Variants in GMDS observed in about 807,000 individuals in gnomAD.
GMDS encodes the protein GDP-mannose 4,6-dehydratase.
Under a neutral mutation model 49.9 loss-of-function variants are expected in GMDS, and 20 were observed. The ratio of observed to expected loss-of-function variants is 0.40; its 90% CI spans 0.28 to 0.58. GMDS has a LOEUF of 0.58. GMDS is among the 20% of genes least tolerant of loss of function. GMDS has a pLI of 0.42. For missense variants in GMDS, 362 were observed against 481.4 expected, an observed-to-expected ratio of 0.75 and a Z score of 2.32; for synonymous variants, 177 against 178.6, an observed-to-expected ratio of 0.99 and a Z score of 0.07.
chr6:2,141,386 C>T (rs560356565), intron 1 of GMDS, among the ~76,000 whole-genome samples: 9 of 152,294 alleles, frequency 5.9e-5, no homozygotes, highest in South Asian at 2.1e-4. Context: ...GTTTATCATA[C>T]GCACATGTAG....
At chr6:2,147,126 T>C (rs11752769) in intron 1 of GMDS, among the ~76,000 whole-genome samples, 131,297 of 152,230 alleles carry the variant, frequency 0.86, 57,125 homozygotes, top group East Asian at 1. Flanking sequence ...CTCAAGATGT[T>C]TATTTTCTTT....
At position 2,196,663 on chromosome 6, in the gene GMDS, T is replaced by A. The variant is rs1779287463; in HGVS notation, c.102+48658A>T. The stretch of plus-strand genomic sequence containing the variant: ...GACCACATTAACTTTTAAAGGTTGC[T>A]GTCTTAACTGTCAAGCAAGGTAGTA... On this transcript the variant is annotated intron_variant, in intron 1 of 10. Transcript: ENST00000380815. Among the ~76,000 whole-genome samples the A allele has an allele frequency of 3.3e-5, 5 of 152,208 alleles. No homozygotes were observed. The South Asian group carries it at 1.0e-3, about 32-fold the overall frequency.
At chr6:1,675,239 C>G (rs1312736300) in intron 9 of GMDS, among the ~76,000 whole-genome samples, 1 of 151,648 alleles carries the variant, frequency 6.6e-6, no homozygotes, top group Non-Finnish European at 1.5e-5. Context: ...TGCACTCGTT[C>G]GTTGTTAGAA....
chr6:2,064,782 G>C (rs1025041973), intron 4 of GMDS, among the ~76,000 whole-genome samples: 5 of 152,152 alleles, frequency 3.3e-5, no homozygotes, highest in Non-Finnish European at 2.9e-5. Flanking sequence ...GATTTCGTAT[G>C]AGCTGATTCT....
At position 1,833,525 on chromosome 6, in the gene GMDS, T is replaced by C. The variant is rs1056792471; in HGVS notation, c.772-90939A>G. The stretch of plus-strand genomic sequence containing the variant: ...TAAAACTTTTTTTTTTTGCCTTTTC[T>C]TCCTTTCCCTTCTCCTCCCCTTCCT... On this transcript the variant is annotated intron_variant, in intron 7 of 10. Coordinates refer to ENST00000380815, the MANE Select transcript of GMDS (RefSeq NM_001500.4). The surrounding 1 kb of genome is among the most constrained non-coding windows in gnomAD (Gnocchi z 4.4). Among the ~76,000 whole-genome samples the C allele has an allele frequency of 6.6e-6, 1 of 152,140 alleles. No individual in the cohort carries two copies. The highest frequency in any genetic ancestry group is 2.4e-5 in the African/African-American group (1 of 41,402).
intron 4 of GMDS, among the ~76,000 whole-genome samples, chr6:2,083,231 A>G (rs1279254720): frequency 1.3e-5 from 2 of 152,170 alleles, no homozygotes; most frequent in African/African-American, 2.4e-5. Context: ...GCACTTAGTA[A>G]ACGCTAGTAT....
intron 7 of GMDS, among the ~76,000 whole-genome samples, chr6:1,894,505 A>G (rs533721632): frequency 4.4e-4 from 67 of 152,360 alleles, no homozygotes; most frequent in African/African-American, 1.6e-3. Flanking sequence ...GAATACTGGT[A>G]TTAAATATCT....
At chr6:2,044,872 T>TTTTTC (rs1769906744) in intron 4 of GMDS, among the ~76,000 whole-genome samples, 1 of 147,668 alleles carries the variant, frequency 6.8e-6, no homozygotes, top group African/African-American at 2.5e-5. Context: ...AATCTATAAT[T>TTTTTC]TTTTCTTTTC....
At chr6:2,011,652 G>A (rs1041027227) in intron 4 of GMDS, among the ~76,000 whole-genome samples, 1 of 152,216 alleles carries the variant, frequency 6.6e-6, no homozygotes, top group Non-Finnish European at 1.5e-5. Context: ...GGTGACTCAT[G>A]CCTGTAATCC....
chr6:2,085,072 A>C (rs576857140), intron 4 of GMDS, among the ~76,000 whole-genome samples: 1 of 152,314 alleles, frequency 6.6e-6, no homozygotes, highest in South Asian at 2.1e-4. Context: ...ACATGTTCAC[A>C]TTTAGAAAAG....
At chr6:1,807,325 T>C (rs956224374) in intron 7 of GMDS, among the ~76,000 whole-genome samples, 3 of 152,222 alleles carry the variant, frequency 2.0e-5, no homozygotes, top group Non-Finnish European at 2.9e-5. Flanking sequence ...TATACTGCAC[T>C]CAGCCTAATT....
intron 1 of GMDS, among the ~76,000 whole-genome samples, chr6:2,140,223 A>C (rs1776219283): frequency 6.6e-6 from 1 of 152,142 alleles, no homozygotes; most frequent in South Asian, 2.1e-4. Flanking sequence ...AGTCCTTATA[A>C]GAAACAGGCA....
At chr6:1,741,665 A>T (rs1041363093) in intron 8 of GMDS, among the ~76,000 whole-genome samples, 1 of 151,546 alleles carries the variant, frequency 6.6e-6, no homozygotes, top group Non-Finnish European at 1.5e-5. Flanking sequence ...TACAAAAATT[A>T]GCTGGGCATG....
At chr6:1,922,415 T>A (rs1016699138) in intron 7 of GMDS, among the ~76,000 whole-genome samples, 5 of 152,104 alleles carry the variant, frequency 3.3e-5, no homozygotes, top group African/African-American at 1.2e-4. Context: ...ACAAACATGG[T>A]CTACTGATGG....
At chr6:1,957,538 A>T (rs1763709265) in intron 6 of GMDS, among the ~76,000 whole-genome samples, 1 of 152,214 alleles carries the variant, frequency 6.6e-6, no homozygotes. Flanking sequence ...GGTACCACTG[A>T]TTTCCAGGCA....
chr6:1,645,777 C>T (rs1162469611), intron 9 of GMDS, among the ~76,000 whole-genome samples: 2 of 152,208 alleles, frequency 1.3e-5, no homozygotes, highest in Non-Finnish European at 2.9e-5. Flanking sequence ...GCCACCGCAG[C>T]GTCACCCTGT....
chr6:2,190,125 A>G (rs1433594240), intron 1 of GMDS, among the ~76,000 whole-genome samples: 42 of 152,240 alleles, frequency 2.8e-4, no homozygotes, highest in Non-Finnish European at 1.5e-5. Flanking sequence ...ATAAAGTACA[A>G]AATGCTTTTA....
chr6:1,822,362 G>GA (rs1485455062), intron 7 of GMDS, among the ~76,000 whole-genome samples: 1 of 152,182 alleles, frequency 6.6e-6, no homozygotes, highest in Non-Finnish European at 1.5e-5. Context: ...ATTGGGGTAA[G>GA]ATTTAGGTCA....
At chr6:2,074,763 C>T (rs1439877257) in intron 4 of GMDS, among the ~76,000 whole-genome samples, 1 of 152,168 alleles carries the variant, frequency 6.6e-6, no homozygotes, top group Non-Finnish European at 1.5e-5. Flanking sequence ...TTCAGCCTCT[C>T]AAAGTGCTGG....
Sources: gnomAD v4.1 joint callset for allele counts (sites outside exome capture counted in the v4.1 genomes callset) on GRCh38, gnomAD v4.1.1 for gene constraint, Gnocchi (gnomAD v3.1) non-coding constraint, MANE v1.5 for transcripts, NCBI Gene and HGNC (gene_info 2026-07-23, HGNC 2026-07-21) for gene names.